Variants in REST observed in about 807,000 individuals in gnomAD.
The protein encoded by REST is RE1 silencing transcription factor, also known as RE1-silencing transcription factor.
A neutral mutation model predicts 30.4 loss-of-function variants in REST; 1 was observed. The observed-to-expected ratio is 0.03, with a 90% CI of 0.01 to 0.16. REST has a LOEUF of 0.16. Among genes scored for constraint, REST ranks in the 10% least tolerant of loss-of-function variants. The probability of loss-of-function intolerance (pLI) is 1.00; values close to 1 mark genes in which losing one functional copy is unlikely to be tolerated. For synonymous variants in REST, 504 were observed against 451.1 expected (o/e 1.12, Z -1.49); for missense variants, 1,259 against 1,329.5 (o/e 0.95, Z 0.82).
rs1578498352 is a variant in REST, at chr4:56,919,921, A to G, written c.982+51A>G. ...ATCATTTTCAGTAAATGACCATTTTAAGGAAATTCTTTTAGACTTGTAACC... is the reference window on the plus strand; with the variant it reads ...ATCATTTTCAGTAAATGACCATTTTGAGGAAATTCTTTTAGACTTGTAACC... On this transcript the variant is annotated intron_variant, in intron 3 of 3. Transcript: ENST00000309042. 9.8e-6 allele frequency: 9 copies of G among 919,272 alleles called. No homozygotes were observed. In the East Asian group the frequency reaches 2.2e-4, roughly 23 times the overall value. 56.9% of individuals were successfully genotyped at this position (919,272 alleles called of 1,614,324 possible).
rs747265189 is a variant in REST, at chr4:56,911,418, G to A, written c.780G>A (p.Glu260=). 3 of 1,614,104 alleles carry A rather than the reference G, an allele frequency of 1.9e-6. No individual in the cohort carries two copies. Among genetic ancestry groups the A allele is most frequent in the Non-Finnish European group, 2.5e-6 (3 of 1,179,974 alleles). ...TTTGCACATACACAACAGTGAGCGA[G>A]TATCACTGGAGGAAACATTTAAGAA... is the stretch of plus-strand genomic sequence containing the variant. The part of the protein sequence containing the change: ...CIICTYTTVS[E]YHWRKHLRNH... Residue 260 remains glutamate, a synonymous_variant, in exon 2 of 4, where the codon GAG becomes GAA. Transcript: ENST00000309042.
At chr4:56,908,573 C>T (rs1020849203) in intron 1 of REST, among the ~76,000 whole-genome samples, 4 of 152,034 alleles carry the variant, frequency 2.6e-5, no homozygotes, top group African/African-American at 7.2e-5. Context: ...CCTGAAACTT[C>T]CTCTGCTTCC....
chr4:56,911,457 G>A lies in REST; in HGVS notation c.819G>A (p.Arg273=), dbSNP rs759911296. ...WRKHLRNHFP[R]KVYTCGKCNY... ...AACATTTAAGAAACCATTTTCCAAG[G>A]AAAGTATACACATGTGGAAAATGCA... The change falls in exon 2 of 4, where the codon AGG becomes AGA. Residue 273 remains arginine (R), a synonymous_variant. Coordinates refer to ENST00000309042, the MANE Select transcript of REST (RefSeq NM_005612.5). The A allele has an allele frequency of 2.9e-5, 47 of 1,614,098 alleles. 1 individual carries two copies. The South Asian group carries it at 5.2e-4, about 18-fold the overall frequency.
rs1345041206 is a variant in REST, at chr4:56,934,046, T to A, written c.*1894T>A. ...AAGATTTAAAGAAGCGGAAGATTCT[T>A]CTCTTAAGACATGAGGAGTAAGTTG... On this transcript the variant is annotated 3_prime_UTR_variant, in exon 4 of 4. Coordinates refer to ENST00000309042, the MANE Select transcript of REST (RefSeq NM_005612.5). 1.3e-5 allele frequency: 2 copies of A among 152,180 alleles called. No homozygotes were observed. Among genetic ancestry groups the A allele is most frequent in the Admixed American group, 6.6e-5 (1 of 15,266 alleles). The allele number at this position is 152,180 out of a possible 1,614,324, so 9.4% of individuals were successfully genotyped here. A position where few individuals can be genotyped will look rare whatever the true frequency, so the allele number is the denominator to read the frequency against.
At chr4:56,910,112 A>G (rs903364398) in intron 1 of REST, among the ~76,000 whole-genome samples, 8 of 152,234 alleles carry the variant, frequency 5.3e-5, no homozygotes, top group Admixed American at 5.2e-4. Context: ...GCGAAATCCA[A>G]TTAAGTTGAA....
In REST at chr4:56,910,702, A is replaced by G; in HGVS notation, c.64A>G (p.Ile22Val). 1.2e-6 allele frequency: 2 copies of G among 1,614,210 alleles called. No homozygotes were observed. The highest frequency in any genetic ancestry group is 1.7e-6 in the Non-Finnish European group (2 of 1,180,032). ...AGGGCTGTTTACCAGCAGTGGCAAC[A>G]TTGGAATGGCCCTGCCTAACGACAT... Reference protein sequence around the residue: ...GGGLFTSSGNIGMALPNDMYD... With the variant: ...GGGLFTSSGNVGMALPNDMYD... The change falls in exon 2 of 4, where the codon ATT becomes GTT. Residue 22 changes from isoleucine to valine, a missense_variant. By Grantham distance (29) the Ile-to-Val change is conservative. Around this residue, in one of 5 missense-constraint regions of REST, gnomAD observed 249 missense variants for 251.5 expected, o/e 0.99. Coordinates refer to ENST00000309042, the MANE Select transcript of REST (RefSeq NM_005612.5).
chr4:56,911,893 C>T (rs569259714), intron 2 of REST, among the ~76,000 whole-genome samples: 6 of 152,136 alleles, frequency 3.9e-5, no homozygotes, highest in East Asian at 1.9e-4. Context: ...GAGGCCGAGG[C>T]GTAAGGACTG....
chr4:56,911,962 A>G (rs1352804664), intron 2 of REST, among the ~76,000 whole-genome samples: 1 of 152,240 alleles, frequency 6.6e-6, no homozygotes, highest in South Asian at 2.1e-4. Context: ...CGTCTCAAAA[A>G]GAAAACAGAA....
chr4:56,911,212 G>A lies in REST; in HGVS notation c.574G>A (p.Ala192Thr), dbSNP rs757117156. The stretch of plus-strand genomic sequence containing the variant: ...TAAGAAATTTTTTGTGGAAGAGAGT[G>A]CAGAGAAGCAGGCAAAAGCCAGGGA... Reference protein sequence around the residue: ...SAKKFFVEESAEKQAKARESG... With the variant: ...SAKKFFVEESTEKQAKARESG... The change falls in exon 2 of 4, where the codon GCA becomes ACA. Residue 192 changes from alanine to threonine, a missense_variant. Transcript: ENST00000309042. 1 of 1,614,196 alleles carries A rather than the reference G, an allele frequency of 6.2e-7. No homozygotes were observed. The highest frequency in any genetic ancestry group is 1.1e-5 in the South Asian group (1 of 91,086).
intron 3 of REST, chr4:56,920,139 A>G (rs528200563): frequency 6.9e-5 from 19 of 276,508 alleles, no homozygotes; most frequent in African/African-American, 3.5e-4. Flanking sequence ...CGTGACTCCA[A>G]CAAAAGTTAA....
intron 2 of REST, among the ~76,000 whole-genome samples, chr4:56,917,679 G>A (rs1285000797): frequency 1.3e-5 from 2 of 152,132 alleles, no homozygotes; most frequent in Admixed American, 6.6e-5. Context: ...ATGGGGAAAC[G>A]GTGTTTTAGT....
rs970924288 is a variant in REST at position 56,932,116 on chromosome 4, G to A, written c.3258G>A (p.Val1086=). ...SKHLNRHLVN[V]YYLEEAAQGQ... ...ACCTCAATCGCCATTTGGTTAATGTGTACTATCTTGAAGAAGCAGCTCAAG... is the reference window on the plus strand; with the variant it reads ...ACCTCAATCGCCATTTGGTTAATGTATACTATCTTGAAGAAGCAGCTCAAG... Residue 1086 remains valine, a synonymous_variant, in exon 4 of 4, where the codon GTG becomes GTA. Transcript: ENST00000309042. 9 of 1,613,176 alleles carry A rather than the reference G, an allele frequency of 5.6e-6. No homozygotes were observed. Among genetic ancestry groups the A allele is most frequent in the African/African-American group, 1.3e-5 (1 of 74,882 alleles).
At chr4:56,912,163 T>A (rs1268062047) in intron 2 of REST, among the ~76,000 whole-genome samples, 2 of 152,184 alleles carry the variant, frequency 1.3e-5, no homozygotes, top group Non-Finnish European at 2.9e-5. Flanking sequence ...GAACAACTTG[T>A]CTTTGTCCAC....
Position 56,910,781 on chromosome 4 carries a change from T to G in REST, c.143T>G (p.Met48Arg). Residue 48 changes from methionine (M) to arginine (R), a missense_variant, in exon 2 of 4, where the codon ATG becomes AGG. By Grantham distance (91) the Met-to-Arg change is moderately conservative (BLOSUM62 -1). Around this residue, in one of 5 missense-constraint regions of REST, gnomAD observed 249 missense variants for 251.5 expected, o/e 0.99. Transcript: ENST00000309042. ...KAELAAPQLI[M>R]LANVALTGEV... ...GAACTGGCCGCACCTCAGCTTATTA[T>G]GCTGGCAAATGTGGCCTTAACTGGG... 1 of 1,614,226 alleles carries G rather than the reference T, an allele frequency of 6.2e-7. No individual in the cohort carries two copies. Among genetic ancestry groups the G allele is most frequent in the Non-Finnish European group, 8.5e-7 (1 of 1,180,044 alleles).
chr4:56,922,757 A>T (rs559703406), intron 3 of REST, among the ~76,000 whole-genome samples: 1 of 152,272 alleles, frequency 6.6e-6, no homozygotes, highest in South Asian at 2.1e-4. Flanking sequence ...TTCCTTCTGG[A>T]TATGTCCACT....
At position 56,930,766 on chromosome 4, in the gene REST, T is replaced by C. The variant is rs1261866440; in HGVS notation, c.1908T>C (p.His636=). The change falls in exon 4 of 4, where the codon CAT becomes CAC. Residue 636 remains histidine (H), a synonymous_variant. Transcript: ENST00000309042. Reference sequence around the variant, plus strand: ...TGGAGCCGCCACCTCCCATGGAGCATGCTCAGATGGAGGGTGCCCAGATAC... The same window carrying C: ...TGGAGCCGCCACCTCCCATGGAGCACGCTCAGATGGAGGGTGCCCAGATAC... ...VQVEPPPPME[H]AQMEGAQIRP... 1 of 1,604,140 alleles carries C rather than the reference T, an allele frequency of 6.2e-7. No individual in the cohort carries two copies. The highest frequency in any genetic ancestry group is 1.7e-5 in the Admixed American group (1 of 57,596).
intron 3 of REST, among the ~76,000 whole-genome samples, chr4:56,928,658 T>A (rs1720817326): frequency 6.6e-6 from 1 of 151,898 alleles, no homozygotes; most frequent in East Asian, 1.9e-4. Context: ...GGATCTCAGC[T>A]GACTGCAACC....
In REST at chr4:56,920,052, C is replaced by A. The variant is rs529132001; in HGVS notation, c.982+182C>A. ...CCTAACATGGAATCCAAAGGTGGAC[C>A]TCCTGAAAATGGAATTTTTGTGTAC... On this transcript the variant is annotated intron_variant, in intron 3 of 3. Coordinates refer to ENST00000309042, the MANE Select transcript of REST (RefSeq NM_005612.5). 4 of 386,346 alleles carry A rather than the reference C, an allele frequency of 1.0e-5. No individual in the cohort carries two copies. In the South Asian group the frequency reaches 3.2e-4, roughly 31 times the overall value. 23.9% of individuals were successfully genotyped at this position (386,346 alleles called of 1,614,324 possible). A position where few individuals can be genotyped will look rare whatever the true frequency, so the allele number is the denominator to read the frequency against.
At chr4:56,911,849 A>T (rs1719934210) in intron 2 of REST, among the ~76,000 whole-genome samples, 1 of 152,222 alleles carries the variant, frequency 6.6e-6, no homozygotes, top group Admixed American at 6.5e-5. Flanking sequence ...CTGGCCGTGC[A>T]TGGTGGCTCA....
Sources: gnomAD v4.1 joint callset for allele counts (sites outside exome capture counted in the v4.1 genomes callset) on GRCh38, gnomAD v4.1.1 for gene constraint, gnomAD v4.1.1 regional missense constraint, MANE v1.5 for transcripts, NCBI Gene and HGNC (gene_info 2026-07-23, HGNC 2026-07-21) for gene names.